Variants in RAB11FIP3 observed in about 807,000 individuals in gnomAD.
RAB11FIP3 encodes the protein RAB11 family interacting protein 3.
A neutral mutation model predicts 77.8 loss-of-function variants in RAB11FIP3; 17 were observed. The ratio of observed to expected loss-of-function variants is 0.22; its 90% confidence interval spans 0.15 to 0.33. RAB11FIP3 has a LOEUF of 0.33. Ranked by LOEUF, RAB11FIP3 falls within the 10% of genes least tolerant of loss-of-function variation. The probability of loss-of-function intolerance (pLI) is 1.00; values close to 1 mark genes in which losing one functional copy is unlikely to be tolerated. For synonymous variants in RAB11FIP3, 437 were observed against 448.2 expected, an observed-to-expected ratio of 0.98 and a Z score of 0.31; for missense variants, 1,005 against 1,011.2, an observed-to-expected ratio of 0.99 and a Z score of 0.08.
chr16:457,149 G>A (rs1050078643), intron 1 of RAB11FIP3, among the ~76,000 whole-genome samples: 3 of 152,162 alleles, frequency 2.0e-5, no homozygotes, highest in Non-Finnish European at 4.4e-5. Context: ...GTTCTGAAAG[G>A]TGCTTTGCTG....
At chr16:445,125 A>G (rs1483987800) in intron 1 of RAB11FIP3, among the ~76,000 whole-genome samples, 1 of 140,310 alleles carries the variant, frequency 7.1e-6, no homozygotes, top group Non-Finnish European at 1.6e-5. Flanking sequence ...AAAAAAAAAA[A>G]AAAAAAGAAA....
At chr16:511,653 C>A (rs534442166) in intron 9 of RAB11FIP3, among the ~76,000 whole-genome samples, 22 of 125,886 alleles carry the variant, frequency 1.7e-4, no homozygotes, top group South Asian at 5.8e-4. Context: ...GGCCCGCCCA[C>A]CCCAGAAACT....
chr16:507,883 A>C lies in RAB11FIP3; in HGVS notation c.1499+2256A>C, dbSNP rs985857705. Among the ~76,000 whole-genome samples, 9 of 151,694 alleles carry C rather than the reference A, an allele frequency of 5.9e-5. No individual in the cohort carries two copies. Among genetic ancestry groups the C allele is most frequent in the Non-Finnish European group, 1.2e-4 (8 of 67,954 alleles). On this transcript the variant is annotated intron_variant, in intron 8 of 13. Transcript: ENST00000262305. This position sits in a 1 kb window ranked among gnomAD's most constrained non-coding sequence, Gnocchi z 4.6. Reference sequence around the variant, plus strand: ...CATTTGCTCTCTAGCCCTACCATACAGCTGCCATCCTAAGAGTACGTTTCC... The same window carrying C: ...CATTTGCTCTCTAGCCCTACCATACCGCTGCCATCCTAAGAGTACGTTTCC...
At chr16:448,856 G>T (rs915453023) in intron 1 of RAB11FIP3, among the ~76,000 whole-genome samples, 2 of 151,122 alleles carry the variant, frequency 1.3e-5, no homozygotes, top group Admixed American at 6.6e-5. Context: ...TGGGGGTTGC[G>T]GTGAGCCAAG....
At chr16:482,313 C>T (rs897894155) in intron 3 of RAB11FIP3, 1 of 694,544 alleles carries the variant, frequency 1.4e-6, no homozygotes, top group Non-Finnish European at 2.6e-6. Context: ...ACCGAGGCCT[C>T]CGAAAGTACT....
At chr16:492,460 G>GGGAGATCCGAGGCCGCCCAGGGCCCTCCC (rs1567392373) in intron 5 of RAB11FIP3, among the ~76,000 whole-genome samples, 1 of 28,306 alleles carries the variant, frequency 3.5e-5, no homozygotes, top group Non-Finnish European at 6.8e-5. Context: ...GGCCCTTCCC[G>GGGAGATCCGAGGCCGCCCAGGGCCCTCCC]GGGAGACCCG....
At chr16:443,592 G>A (rs2055261109) in intron 1 of RAB11FIP3, among the ~76,000 whole-genome samples, 1 of 152,168 alleles carries the variant, frequency 6.6e-6, no homozygotes, top group Non-Finnish European at 1.5e-5. Context: ...TTGAGAGGGA[G>A]TCTCGCTCTG....
At chr16:488,780 C>A in intron 4 of RAB11FIP3, 71 bp from the exon 5 acceptor site, 1 of 1,530,430 alleles carries the variant, frequency 6.5e-7, no homozygotes, top group Non-Finnish European at 8.9e-7. Context: ...ATGGAAAGCA[C>A]CTTCCACACC....
intron 3 of RAB11FIP3, among the ~76,000 whole-genome samples, chr16:473,292 T>G (rs115151196): frequency 1.4e-3 from 220 of 152,312 alleles, no homozygotes; most frequent in African/African-American, 5.0e-3. Context: ...CTTCTCATAT[T>G]TTTAGATCCT....
At chr16:486,702 T>G (rs924003452) in intron 4 of RAB11FIP3, among the ~76,000 whole-genome samples, 13 of 152,162 alleles carry the variant, frequency 8.5e-5, no homozygotes, top group Non-Finnish European at 2.9e-5. Context: ...ATGTGGGCCT[T>G]CTCTGTTCCC....
intron 6 of RAB11FIP3, chr16:497,386 G>A (rs2031226935): frequency 3.1e-6 from 4 of 1,292,534 alleles, no homozygotes; most frequent in African/African-American, 3.1e-5. Flanking sequence ...AAACATGCAG[G>A]GTTAAGGCCC....
chr16:479,663 C>T (rs1409938183), intron 3 of RAB11FIP3, among the ~76,000 whole-genome samples: 1 of 152,084 alleles, frequency 6.6e-6, no homozygotes, highest in African/African-American at 2.4e-5. Flanking sequence ...TAGCTCACAC[C>T]CATAGTTCTA....
At chr16:494,685 A>G (rs572944505) in intron 5 of RAB11FIP3, among the ~76,000 whole-genome samples, 1 of 152,260 alleles carries the variant, frequency 6.6e-6, no homozygotes, top group Non-Finnish European at 1.5e-5. Context: ...AGAGCCACAC[A>G]GTAATTTGAA....
chr16:472,168 T>G lies in RAB11FIP3; in HGVS notation c.903+779T>G, dbSNP rs2055821084. The stretch of plus-strand genomic sequence containing the variant: ...AGCTGAGGCTGGCACAGGGTAGTTT[T>G]TGAGTTGCTTTTGGACGCCACTGTA... On this transcript the variant is annotated intron_variant, in intron 3 of 13. Coordinates refer to ENST00000262305, the MANE Select transcript of RAB11FIP3 (RefSeq NM_014700.4). The surrounding 1 kb of genome is among the most constrained non-coding windows in gnomAD (Gnocchi z 4.1). Among the ~76,000 whole-genome samples, 1 of 152,198 alleles carries G rather than the reference T, an allele frequency of 6.6e-6. No individual in the cohort carries two copies. The highest frequency in any genetic ancestry group is 2.1e-4 in the South Asian group (1 of 4,826).
At chr16:492,273 G>A (rs748986783) in intron 5 of RAB11FIP3, among the ~76,000 whole-genome samples, 15 of 151,432 alleles carry the variant, frequency 9.9e-5, no homozygotes, top group Non-Finnish European at 2.1e-4. Context: ...GAGAGGATGG[G>A]GGTGGGGCCC....
intron 1 of RAB11FIP3, among the ~76,000 whole-genome samples, chr16:439,989 G>T (rs969459158): frequency 6.6e-6 from 1 of 151,828 alleles, no homozygotes; most frequent in East Asian, 1.9e-4. Flanking sequence ...GACTACAGGT[G>T]CCTGCCTCGT....
In RAB11FIP3 at chr16:522,855, G is replaced by T. The variant is rs1054363; in HGVS notation, c.*2016G>T. The T allele has an allele frequency of 0.054, 8,241 of 152,454 alleles. 376 individuals carry two copies. Among genetic ancestry groups the T allele is most frequent in the African/African-American group, 0.13 (5,328 of 41,542 alleles). 9.4% of individuals were successfully genotyped at this position (152,454 alleles called of 1,614,324 possible). On this transcript the variant is annotated 3_prime_UTR_variant, in exon 14 of 14. Transcript: ENST00000262305. ...GGGAGAGCCGTCAAAACGTCCCCGGGATTAAGAGAAGAGTGGGGGGCAGGG... is the reference window on the plus strand; with the variant it reads ...GGGAGAGCCGTCAAAACGTCCCCGGTATTAAGAGAAGAGTGGGGGGCAGGG...
intron 1 of RAB11FIP3, among the ~76,000 whole-genome samples, chr16:446,743 T>C (rs1167670018): frequency 6.6e-6 from 1 of 152,178 alleles, no homozygotes. Flanking sequence ...TCGCCCAGGC[T>C]GGAGTGCAGT....
At chr16:456,044 A>G (rs1038117220) in intron 1 of RAB11FIP3, among the ~76,000 whole-genome samples, 2 of 152,174 alleles carry the variant, frequency 1.3e-5, no homozygotes, top group Non-Finnish European at 2.9e-5. Flanking sequence ...ATCAAGAATT[A>G]AGGCCGGGCA....
Sources: allele counts gnomAD v4.1 joint callset (sites outside exome capture counted in the v4.1 genomes callset), GRCh38; gene constraint gnomAD v4.1.1; non-coding constraint Gnocchi (gnomAD v3.1); transcripts MANE v1.5; gene names NCBI Gene and HGNC (gene_info 2026-07-23, HGNC 2026-07-21).